PTPRD: variants seen among roughly 807,000 people sequenced by gnomAD.
PTPRD encodes the protein receptor-type tyrosine-protein phosphatase delta.
In PTPRD, 34 loss-of-function variants were observed where a neutral mutation model predicts 214.5. The observed-to-expected ratio is 0.16, with a 90% CI of 0.12 to 0.21. The LOEUF (loss-of-function observed/expected upper bound fraction) is 0.21, where lower values mean the gene tolerates loss of function less well. PTPRD is among the 10% of genes least tolerant of loss of function. The probability of loss-of-function intolerance (pLI) is 1.00; values close to 1 mark genes in which losing one functional copy is unlikely to be tolerated. For missense variants in PTPRD, 2,545 were observed against 2,398.7 expected, an observed-to-expected ratio of 1.06 and a Z score of -1.27; for synonymous variants, 1,128 against 845.7, an observed-to-expected ratio of 1.33 and a Z score of -5.79.
At chr9:9,748,469 A>C (rs747878531) in intron 6 of PTPRD, among the ~76,000 whole-genome samples, 1 of 152,238 alleles carries the variant, frequency 6.6e-6, no homozygotes, top group Admixed American at 6.5e-5. Flanking sequence ...AAGATCTGTC[A>C]ATTGTGATTC....
chr9:9,493,805 A>G (rs933605857), intron 8 of PTPRD, among the ~76,000 whole-genome samples: 35 of 151,326 alleles, frequency 2.3e-4, no homozygotes, highest in Non-Finnish European at 4.4e-4. Flanking sequence ...AAAAAAAAAA[A>G]AAAAAGAAAA....
At chr9:8,704,823 T>A (rs1194895476) in intron 12 of PTPRD, among the ~76,000 whole-genome samples, 1 of 151,794 alleles carries the variant, frequency 6.6e-6, no homozygotes, top group Non-Finnish European at 1.5e-5. Context: ...CTTGGGACGC[T>A]GAGGCAGGAG....
chr9:9,357,870 G>A (rs1596323862), intron 9 of PTPRD, among the ~76,000 whole-genome samples: 1 of 149,084 alleles, frequency 6.7e-6, no homozygotes, highest in African/African-American at 2.5e-5. Flanking sequence ...TTTTTTCCCA[G>A]GTAACATCTT....
chr9:9,765,941 C>T (rs1412379607), intron 6 of PTPRD, among the ~76,000 whole-genome samples: 3 of 152,162 alleles, frequency 2.0e-5, no homozygotes, highest in Non-Finnish European at 4.4e-5. Flanking sequence ...GGATTACAGG[C>T]GTGAGCCACC....
chr9:9,376,815 C>G lies in PTPRD; in HGVS notation c.-203+20634G>C, dbSNP rs147788247. 9.9e-5 allele frequency among the ~76,000 whole-genome samples: 15 copies of G among 152,154 alleles called. No individual in the cohort carries two copies. In the East Asian group the frequency reaches 2.9e-3, roughly 29 times the overall value. ...AAAAGAAAGGCGGGATCCAATGAAA[C>G]ACCAAGTTATACATAAAACATAATG... On this transcript the variant is annotated intron_variant, in intron 9 of 45. Coordinates refer to ENST00000381196, the MANE Select transcript of PTPRD (RefSeq NM_002839.4).
chr9:9,119,221 G>C (rs2154461618), intron 10 of PTPRD, among the ~76,000 whole-genome samples: 1 of 152,222 alleles, frequency 6.6e-6, no homozygotes, highest in East Asian at 1.9e-4. Flanking sequence ...TACCATGTTA[G>C]TCACCAGTCT....
At chr9:9,942,033 C>T (rs2091592591) in intron 4 of PTPRD, among the ~76,000 whole-genome samples, 1 of 152,166 alleles carries the variant, frequency 6.6e-6, no homozygotes, top group Non-Finnish European at 1.5e-5. Flanking sequence ...CATTTTGTGA[C>T]TAGGTAATGA....
chr9:9,664,225 T>G (rs2096673177), intron 7 of PTPRD, among the ~76,000 whole-genome samples: 1 of 151,462 alleles, frequency 6.6e-6, no homozygotes, highest in Non-Finnish European at 1.5e-5. Flanking sequence ...GGGTTCTGAC[T>G]ATTTATATAG....
intron 8 of PTPRD, among the ~76,000 whole-genome samples, chr9:9,524,319 C>T (rs1284097363): frequency 2.0e-5 from 3 of 152,122 alleles, no homozygotes; most frequent in Non-Finnish European, 2.9e-5. Flanking sequence ...TCTTTTGCTT[C>T]AGTCTCAAAA....
At chr9:9,308,521 G>T (rs1957848059) in intron 9 of PTPRD, among the ~76,000 whole-genome samples, 1 of 152,144 alleles carries the variant, frequency 6.6e-6, no homozygotes. Flanking sequence ...ACTTTGTACT[G>T]AGATTCACTT....
intron 11 of PTPRD, among the ~76,000 whole-genome samples, chr9:8,885,524 C>G (rs969563917): frequency 2.4e-5 from 3 of 122,670 alleles, no homozygotes; most frequent in African/African-American, 9.2e-5. Context: ...GAGACCAAGT[C>G]TCGCTCTTGT....
intron 6 of PTPRD, among the ~76,000 whole-genome samples, chr9:9,760,983 A>C (rs1379071073): frequency 6.6e-6 from 1 of 152,160 alleles, no homozygotes; most frequent in African/African-American, 2.4e-5. Context: ...ACACTGAAAA[A>C]CAGTTGGGCA....
chr9:10,337,253 A>G (rs1465760174), intron 3 of PTPRD, among the ~76,000 whole-genome samples: 1 of 151,714 alleles, frequency 6.6e-6, no homozygotes, highest in Non-Finnish European at 1.5e-5. Flanking sequence ...ATTATTATAT[A>G]TGTACACATT....
intron 10 of PTPRD, among the ~76,000 whole-genome samples, chr9:9,128,638 C>T (rs138806737): frequency 1.4e-3 from 215 of 152,238 alleles, no homozygotes; most frequent in Non-Finnish European, 1.6e-3. Context: ...GAATATCATA[C>T]GACTTTTTGA....
chr9:8,755,373 T>C (rs545744731), intron 11 of PTPRD, among the ~76,000 whole-genome samples: 16 of 151,828 alleles, frequency 1.1e-4, no homozygotes, highest in Admixed American at 4.6e-4. Context: ...CTACTAAAAA[T>C]ACAAAATTAG....
chr9:9,901,473 A>T (rs142676845), intron 5 of PTPRD, among the ~76,000 whole-genome samples: 201 of 152,198 alleles, frequency 1.3e-3, no homozygotes, highest in African/African-American at 4.7e-3. Context: ...TGCTACATTA[A>T]CACAGTAATT....
At chr9:10,063,803 A>T (rs2097824960) in intron 3 of PTPRD, among the ~76,000 whole-genome samples, 1 of 152,006 alleles carries the variant, frequency 6.6e-6, no homozygotes, top group South Asian at 2.1e-4. Context: ...ACTGTGAAAC[A>T]TCTATTGCAG....
chr9:8,782,335 A>T (rs1259401236), intron 11 of PTPRD, among the ~76,000 whole-genome samples: 1 of 152,106 alleles, frequency 6.6e-6, no homozygotes, highest in Non-Finnish European at 1.5e-5. Context: ...TGTAGTCAAC[A>T]ACTTTTTTAT....
rs371526837 is a variant in PTPRD at position 10,217,683 on chromosome 9, AG to A, written c.-545+123279del. Among the ~76,000 whole-genome samples, 304 of 152,084 alleles carry A rather than the reference AG, an allele frequency of 2.0e-3. 2 individuals are homozygous for A. Among genetic ancestry groups the A allele is most frequent in the African/African-American group, 6.9e-3 (287 of 41,524 alleles). On this transcript the variant is annotated intron_variant, in intron 3 of 45. Transcript: ENST00000381196. The stretch of plus-strand genomic sequence containing the variant: ...CCATCTAAAGCTCCTTGTCAGAGTA[AG>A]GTCACATCATCATAGTAGTCATGAT...
Sources: gnomAD v4.1 joint callset for allele counts (sites outside exome capture counted in the v4.1 genomes callset) on GRCh38, gnomAD v4.1.1 for gene constraint, MANE v1.5 for transcripts, NCBI Gene and HGNC (gene_info 2026-07-23, HGNC 2026-07-21) for gene names.